The following PRKN variants were observed in gnomAD, a reference collection of about 807,000 sequenced individuals.
The protein encoded by PRKN is parkin RBR E3 ubiquitin protein ligase.
Under a neutral mutation model 59.5 loss-of-function variants are expected in PRKN, and 56 were observed. The observed-to-expected ratio is 0.94, with a 90% CI of 0.76 to 1.18. The LOEUF (loss-of-function observed/expected upper bound fraction) is 1.18. Among genes scored for constraint, PRKN ranks in the 50% most tolerant of loss-of-function variants. The probability of loss-of-function intolerance (pLI) is 0.00; values close to 1 mark genes in which losing one functional copy is unlikely to be tolerated. For missense variants in PRKN, 657 were observed against 596.4 expected (o/e 1.10, Z -1.06); for synonymous variants, 250 against 222.1 (o/e 1.13, Z -1.12).
At chr6:162,498,375 A>AT (rs149626517) in intron 1 of PRKN, among the ~76,000 whole-genome samples, 3 of 22,656 alleles carry the variant, frequency 1.3e-4, no homozygotes, top group Non-Finnish European at 3.1e-4. Context: ...CAGCAGAATC[A>AT]TTTTTTTTCT....
chr6:162,081,465 G>A (rs1779056051), intron 4 of PRKN, among the ~76,000 whole-genome samples: 2 of 152,038 alleles, frequency 1.3e-5, no homozygotes, highest in Admixed American at 6.5e-5. Context: ...GAGTTCCTGG[G>A]TGACCAGGTG....
chr6:162,307,224 A>C (rs9364650), intron 2 of PRKN, among the ~76,000 whole-genome samples: 12,824 of 151,940 alleles, frequency 0.084, 1,145 homozygotes, highest in East Asian at 0.5. Flanking sequence ...ACATGGTGAA[A>C]TCCCATCTCC....
At chr6:161,897,734 C>CA (rs1466317717) in intron 6 of PRKN, among the ~76,000 whole-genome samples, 1 of 151,114 alleles carries the variant, frequency 6.6e-6, no homozygotes. Flanking sequence ...GTAATCCCAG[C>CA]ACTTTGGGAG....
At chr6:161,708,927 CA>C (rs1190874367) in intron 7 of PRKN, among the ~76,000 whole-genome samples, 2 of 152,324 alleles carry the variant, frequency 1.3e-5, no homozygotes, top group African/African-American at 4.8e-5. Flanking sequence ...TTTGCAGCAA[CA>C]CTTTTAGTGA....
At chr6:162,528,032 A>G (rs1409807227) in intron 1 of PRKN, among the ~76,000 whole-genome samples, 2 of 108,746 alleles carry the variant, frequency 1.8e-5, no homozygotes, top group Non-Finnish European at 3.5e-5. Context: ...GTGGCTCATG[A>G]TTGTAATCCC....
Position 162,356,949 on chromosome 6 carries a change from T to C in PRKN, c.171+86361A>G, listed in dbSNP as rs144294180. ...CAAAAAATAGAATAAATCATTACAG[T>C]TTACATCCTTAACAAAAATCAACTA... On this transcript the variant is annotated intron_variant, in intron 2 of 11. Coordinates refer to ENST00000366898, the MANE Select transcript of PRKN (RefSeq NM_004562.3). Among the ~76,000 whole-genome samples, 5 of 152,104 alleles carry C rather than the reference T, an allele frequency of 3.3e-5. No individual in the cohort carries two copies. The East Asian group carries it at 9.7e-4, about 29-fold the overall frequency.
At chr6:162,283,707 G>T (rs1583313425) in intron 2 of PRKN, among the ~76,000 whole-genome samples, 1 of 152,144 alleles carries the variant, frequency 6.6e-6, no homozygotes, top group East Asian at 1.9e-4. Context: ...TTTTAGTAGA[G>T]ACAGGGTTTC....
chr6:161,713,519 C>T (rs149998997), intron 7 of PRKN, among the ~76,000 whole-genome samples: 1 of 152,316 alleles, frequency 6.6e-6, no homozygotes, highest in African/African-American at 2.4e-5. Flanking sequence ...ACAAAATATA[C>T]TACTATCACT....
chr6:161,867,635 T>C (rs922014886), intron 6 of PRKN, among the ~76,000 whole-genome samples: 3 of 152,154 alleles, frequency 2.0e-5, no homozygotes, highest in East Asian at 1.9e-4. Flanking sequence ...ATACTTGCCA[T>C]AGTAAAGAGC....
intron 7 of PRKN, among the ~76,000 whole-genome samples, chr6:161,603,681 G>A (rs945214981): frequency 3.9e-5 from 6 of 152,070 alleles, no homozygotes; most frequent in East Asian, 1.9e-4. Flanking sequence ...AACTCCTTCC[G>A]TATCATTTTG....
At chr6:162,053,242 C>T (rs1408570657) in intron 5 of PRKN, among the ~76,000 whole-genome samples, 2 of 152,166 alleles carry the variant, frequency 1.3e-5, no homozygotes, top group African/African-American at 2.4e-5. Flanking sequence ...TCATGATTCT[C>T]GCTCAAACGC....
At chr6:161,777,821 T>C (rs1027940410) in intron 7 of PRKN, among the ~76,000 whole-genome samples, 4,516 of 144,312 alleles carry the variant, frequency 0.031, 300 homozygotes, top group African/African-American at 0.11. Context: ...TATATGTGTA[T>C]ATATGTATAT....
At position 161,584,932 on chromosome 6, in the gene PRKN, A is replaced by G. The variant is rs1781469430; in HGVS notation, c.872-15516T>C. Among the ~76,000 whole-genome samples, 1 of 152,228 alleles carries G rather than the reference A, an allele frequency of 6.6e-6. No homozygotes were observed. Among genetic ancestry groups the G allele is most frequent in the African/African-American group, 2.4e-5 (1 of 41,468 alleles). On this transcript the variant is annotated intron_variant, in intron 7 of 11. Transcript: ENST00000366898. The surrounding 1 kb of genome is among the most constrained non-coding windows in gnomAD (Gnocchi z 4.8). ...TATTAGCAATGCAGTGCTATTTCATAAAGAATGCATTGCTTCAGATCTGTC... is the reference window on the plus strand; with the variant it reads ...TATTAGCAATGCAGTGCTATTTCATGAAGAATGCATTGCTTCAGATCTGTC...
intron 1 of PRKN, among the ~76,000 whole-genome samples, chr6:162,507,410 TC>T (rs1793657412): frequency 6.6e-6 from 1 of 151,894 alleles, no homozygotes; most frequent in Admixed American, 6.6e-5. Flanking sequence ...TTCCTGTCTC[TC>T]AAAAAAAGAA....
intron 7 of PRKN, among the ~76,000 whole-genome samples, chr6:161,780,698 T>G (rs542954471): frequency 7.9e-5 from 12 of 152,328 alleles, no homozygotes; most frequent in African/African-American, 2.9e-4. Context: ...ACGATGTCGG[T>G]ACATACGTGA....
intron 3 of PRKN, among the ~76,000 whole-genome samples, chr6:162,229,351 TATC>T (rs1778320186): frequency 6.6e-6 from 1 of 152,166 alleles, no homozygotes; most frequent in Admixed American, 6.6e-5. Flanking sequence ...CTGTAGGTTT[TATC>T]ATCAAGATCA....
chr6:161,781,746 G>C (rs1359504911), intron 7 of PRKN, among the ~76,000 whole-genome samples: 1 of 152,062 alleles, frequency 6.6e-6, no homozygotes, highest in Admixed American at 6.6e-5. Context: ...ACCTGTCCCT[G>C]AAAGAAAAGG....
chr6:161,368,834 C>G (rs1374516762), intron 10 of PRKN, among the ~76,000 whole-genome samples: 1 of 152,164 alleles, frequency 6.6e-6, no homozygotes, highest in Non-Finnish European at 1.5e-5. Context: ...AAAGCTCATG[C>G]CCTTTCTTTG....
chr6:161,489,329 G>C (rs1207713658), intron 9 of PRKN, among the ~76,000 whole-genome samples: 2 of 152,116 alleles, frequency 1.3e-5, no homozygotes, highest in Non-Finnish European at 2.9e-5. Context: ...GGAGGCCGAG[G>C]TAGGTGGATC....
Sources: allele counts gnomAD v4.1 joint callset (sites outside exome capture counted in the v4.1 genomes callset), GRCh38; gene constraint gnomAD v4.1.1; non-coding constraint Gnocchi (gnomAD v3.1); transcripts MANE v1.5; gene names NCBI Gene and HGNC (gene_info 2026-07-23, HGNC 2026-07-21).